Variants in CCSER1 observed in about 807,000 individuals in gnomAD.
The protein encoded by CCSER1 is serine-rich coiled-coil domain-containing protein 1.
Under a neutral mutation model 82.0 loss-of-function variants are expected in CCSER1, and 41 were observed. The ratio of observed to expected loss-of-function variants is 0.50; its 90% CI spans 0.39 to 0.65. The LOEUF is 0.65. Among genes scored for constraint, CCSER1 ranks in the 30% least tolerant of loss-of-function variants. The pLI is 0.00. For synonymous variants in CCSER1, 414 were observed against 383.9 expected (o/e 1.08, Z -0.92); for missense variants, 1,119 against 1,064.2 (o/e 1.05, Z -0.72).
At chr4:91,364,184 A>T (rs1749450347) in intron 10 of CCSER1, among the ~76,000 whole-genome samples, 1 of 152,082 alleles carries the variant, frequency 6.6e-6, no homozygotes, top group Non-Finnish European at 1.5e-5. Context: ...GTTTGATTAT[A>T]TGTTCAACTT....
At chr4:90,490,934 A>G (rs972957863) in intron 5 of CCSER1, among the ~76,000 whole-genome samples, 2 of 152,090 alleles carry the variant, frequency 1.3e-5, no homozygotes, top group African/African-American at 4.8e-5. Flanking sequence ...GCCTTGTAGT[A>G]TAGTTTGAAG....
At chr4:90,405,169 A>G (rs1028346089) in intron 4 of CCSER1, among the ~76,000 whole-genome samples, 7 of 152,128 alleles carry the variant, frequency 4.6e-5, no homozygotes, top group Admixed American at 2.0e-4. Context: ...TAAATAAAAA[A>G]TAATCACAAC....
At chr4:90,961,068 C>T (rs1231436792) in intron 9 of CCSER1, among the ~76,000 whole-genome samples, 1 of 152,132 alleles carries the variant, frequency 6.6e-6, no homozygotes, top group Non-Finnish European at 1.5e-5. Context: ...CAGAATTGCC[C>T]TAATGTTGAC....
intron 10 of CCSER1, among the ~76,000 whole-genome samples, chr4:91,481,871 C>T (rs988206094): frequency 5.9e-5 from 9 of 152,046 alleles, no homozygotes; most frequent in Non-Finnish European, 1.0e-4. Context: ...TTGCAATCTA[C>T]TCATCTGACA....
intron 7 of CCSER1, among the ~76,000 whole-genome samples, chr4:90,769,255 AACTTCACAGGAG>A (rs1288169873): frequency 2.0e-5 from 3 of 152,202 alleles, no homozygotes; most frequent in Non-Finnish European, 2.9e-5. Context: ...AACCCCAAGA[AACTTCACAGGAG>A]ACCCATGAAG....
intron 10 of CCSER1, among the ~76,000 whole-genome samples, chr4:91,194,544 GA>G (rs894867250): frequency 4.6e-5 from 7 of 151,858 alleles, no homozygotes; most frequent in African/African-American, 1.2e-4. Context: ...GGAAAATTGA[GA>G]AAAAAAATTA....
rs143779160 is a variant in CCSER1 at position 90,222,312 on chromosome 4, G to A, written c.-41-85932G>A. On this transcript the variant is annotated intron_variant, in intron 1 of 10. Coordinates refer to ENST00000509176, the MANE Select transcript of CCSER1 (RefSeq NM_001145065.2). ...ATACTTCTATCCATTCCTATCTTTT[G>A]TGTTCTTATAATTAATTTTCCTTCC... Among the ~76,000 whole-genome samples, 758 of 152,176 alleles carry A rather than the reference G, an allele frequency of 5.0e-3. 2 individuals are homozygous for A. Among genetic ancestry groups the A allele is most frequent in the Non-Finnish European group, 4.1e-3 (282 of 67,988 alleles).
At chr4:91,474,309 G>A (rs1283168198) in intron 10 of CCSER1, among the ~76,000 whole-genome samples, 2 of 151,686 alleles carry the variant, frequency 1.3e-5, no homozygotes, top group East Asian at 3.9e-4. Context: ...TAAACATCCA[G>A]ACTAGGAAAT....
intron 10 of CCSER1, among the ~76,000 whole-genome samples, chr4:91,530,251 C>T (rs1760955394): frequency 6.6e-6 from 1 of 151,748 alleles, no homozygotes; most frequent in Admixed American, 6.6e-5. Context: ...ACAGGATTTG[C>T]CTATCAATAA....
At position 91,511,313 on chromosome 4, in the gene CCSER1, T is replaced by C. The variant is rs1390274849; in HGVS notation, c.2218-87259T>C. Among the ~76,000 whole-genome samples the C allele has an allele frequency of 2.6e-5, 4 of 152,190 alleles. No individual in the cohort carries two copies. In the South Asian group the frequency reaches 8.3e-4, roughly 31 times the overall value. ...CTTGCCTTGGCTATTTTGGCTCTTT[T>C]GTTGTTCTATGTGAATTTTAGAATA... is the stretch of plus-strand genomic sequence containing the variant. On this transcript the variant is annotated intron_variant, in intron 10 of 10. Transcript: ENST00000509176.
In CCSER1 at chr4:90,227,159, C is replaced by T. The variant is rs117951423; in HGVS notation, c.-41-81085C>T. Among the ~76,000 whole-genome samples the T allele has an allele frequency of 1.8e-3, 280 of 152,322 alleles. 6 individuals are homozygous for T. In the East Asian group the frequency reaches 0.035, roughly 19 times the overall value. ...TCTCGTACTTCTAACTCTGGCTCAG[C>T]ATCTGCTTCTGAGCAAGGTACAGTT... On this transcript the variant is annotated intron_variant, in intron 1 of 10. Transcript: ENST00000509176.
intron 10 of CCSER1, among the ~76,000 whole-genome samples, chr4:91,315,345 ACCT>A (rs1245563241): frequency 6.6e-6 from 1 of 151,782 alleles, no homozygotes; most frequent in Non-Finnish European, 1.5e-5. Context: ...AAAGCAGTAC[ACCT>A]CCTTGTAATA....
chr4:90,967,464 T>G (rs1385537827), intron 9 of CCSER1, among the ~76,000 whole-genome samples: 1 of 151,392 alleles, frequency 6.6e-6, no homozygotes. Context: ...AAAAAAAAAG[T>G]ATTTTCAACC....
At chr4:90,956,631 T>A (rs1352969539) in intron 9 of CCSER1, among the ~76,000 whole-genome samples, 1 of 152,134 alleles carries the variant, frequency 6.6e-6, no homozygotes, top group Non-Finnish European at 1.5e-5. Flanking sequence ...AAAATTAGGT[T>A]TCTTATGGAG....
At chr4:91,273,997 G>A (rs937560290) in intron 10 of CCSER1, among the ~76,000 whole-genome samples, 6 of 152,090 alleles carry the variant, frequency 3.9e-5, no homozygotes, top group African/African-American at 1.4e-4. Context: ...GAAAAAAATA[G>A]TTAGGTTAAC....
At chr4:90,944,231 CA>C (rs36064861) in intron 9 of CCSER1, among the ~76,000 whole-genome samples, 1,965 of 106,890 alleles carry the variant, frequency 0.018, 14 homozygotes, top group African/African-American at 0.036. Context: ...GACTCCGCCT[CA>C]AAAAAAAAAA....
chr4:91,352,540 G>A (rs957087048), intron 10 of CCSER1, among the ~76,000 whole-genome samples: 6 of 152,124 alleles, frequency 3.9e-5, no homozygotes, highest in East Asian at 1.9e-4. Context: ...CACCGTGCCC[G>A]GCAGGAAGAT....
At chr4:90,529,595 T>G (rs1774235192) in intron 5 of CCSER1, among the ~76,000 whole-genome samples, 1 of 152,190 alleles carries the variant, frequency 6.6e-6, no homozygotes, top group Non-Finnish European at 1.5e-5. Context: ...GTCCCCTGTT[T>G]TATCTCTAAT....
At chr4:91,329,111 C>G (rs1004717100) in intron 10 of CCSER1, among the ~76,000 whole-genome samples, 1 of 152,226 alleles carries the variant, frequency 6.6e-6, no homozygotes, top group South Asian at 2.1e-4. Flanking sequence ...AGAATGAGAA[C>G]AGATTAATAC....
Sources: gnomAD v4.1 joint callset for allele counts (sites outside exome capture counted in the v4.1 genomes callset) on GRCh38, gnomAD v4.1.1 for gene constraint, MANE v1.5 for transcripts, NCBI Gene and HGNC (gene_info 2026-07-23, HGNC 2026-07-21) for gene names.